Variants in PCDH15 observed in about 807,000 individuals in gnomAD.
PCDH15 encodes protocadherin related 15, also known as protocadherin-15.
In PCDH15, 129 loss-of-function variants were observed where a neutral mutation model predicts 178.5. That is an observed-to-expected ratio of 0.72 (90% CI 0.63 to 0.84). PCDH15 has a LOEUF of 0.84. Among genes scored for constraint, PCDH15 ranks in the 40% least tolerant of loss-of-function variants. PCDH15 has a pLI of 0.00. For synonymous variants in PCDH15, 800 were observed against 732.0 expected (o/e 1.09, Z -1.50); for missense variants, 2,230 against 2,099.9 (o/e 1.06, Z -1.21).
At chr10:55,336,976 A>G (rs544429774) in intron 2 of PCDH15, among the ~76,000 whole-genome samples, 2 of 152,246 alleles carry the variant, frequency 1.3e-5, no homozygotes, top group South Asian at 2.1e-4. Flanking sequence ...TACCCACTAG[A>G]TGCCAATAGC....
intron 1 of PCDH15, among the ~76,000 whole-genome samples, chr10:55,247,500 C>A (rs1841708254): frequency 6.6e-6 from 1 of 152,072 alleles, no homozygotes; most frequent in Non-Finnish European, 1.5e-5. Flanking sequence ...CTGGAGGTGG[C>A]ATTTCTGTCA....
At chr10:54,358,275 G>C (rs1415110484) in intron 5 of PCDH15, among the ~76,000 whole-genome samples, 3 of 151,446 alleles carry the variant, frequency 2.0e-5, no homozygotes, top group African/African-American at 7.3e-5. Flanking sequence ...ATCTGACAAA[G>C]GGCTAATATC....
At chr10:55,366,482 G>C (rs745795324) in intron 2 of PCDH15, among the ~76,000 whole-genome samples, 32 of 152,050 alleles carry the variant, frequency 2.1e-4, no homozygotes, top group South Asian at 4.2e-4. Flanking sequence ...TACTTCTCTA[G>C]ATTATGAGAG....
At chr10:55,536,826 A>G (rs969367498) in intron 2 of PCDH15, among the ~76,000 whole-genome samples, 2 of 152,112 alleles carry the variant, frequency 1.3e-5, no homozygotes, top group African/African-American at 4.8e-5. Context: ...ATAGCAGTTT[A>G]TTTTAATATA....
chr10:55,425,686 T>C (rs1002600129), intron 2 of PCDH15, among the ~76,000 whole-genome samples: 1 of 151,992 alleles, frequency 6.6e-6, no homozygotes, highest in Admixed American at 6.6e-5. Flanking sequence ...AAAAACAGTG[T>C]TACTCATTAA....
intron 15 of PCDH15, among the ~76,000 whole-genome samples, chr10:54,109,213 G>A (rs2094970163): frequency 6.6e-6 from 1 of 152,154 alleles, no homozygotes; most frequent in Non-Finnish European, 1.5e-5. Flanking sequence ...AGCATCATAT[G>A]ATCCAGAAAT....
chr10:55,227,971 G>T (rs998876948), intron 1 of PCDH15, among the ~76,000 whole-genome samples: 1 of 151,874 alleles, frequency 6.6e-6, no homozygotes, highest in Admixed American at 6.6e-5. Flanking sequence ...TTTGTCCTGG[G>T]GTATGCTAAA....
At chr10:55,094,085 A>T (rs1842385604) in intron 2 of PCDH15, among the ~76,000 whole-genome samples, 1 of 152,118 alleles carries the variant, frequency 6.6e-6, no homozygotes, top group African/African-American at 2.4e-5. Flanking sequence ...ATAAAGACAC[A>T]TGCACATGTA....
intron 1 of PCDH15, among the ~76,000 whole-genome samples, chr10:54,772,419 T>C (rs1339345878): frequency 6.6e-6 from 1 of 152,176 alleles, no homozygotes; most frequent in East Asian, 1.9e-4. Flanking sequence ...AATTATGGCT[T>C]GGAAAAATCA....
At chr10:55,270,379 A>G (rs1397323186) in intron 1 of PCDH15, among the ~76,000 whole-genome samples, 1 of 152,126 alleles carries the variant, frequency 6.6e-6, no homozygotes, top group Non-Finnish European at 1.5e-5. Flanking sequence ...ATATTCACAA[A>G]CTATGCATCT....
chr10:54,449,334 T>G (rs1184189324), intron 3 of PCDH15, among the ~76,000 whole-genome samples: 1 of 151,762 alleles, frequency 6.6e-6, no homozygotes, highest in African/African-American at 2.4e-5. Flanking sequence ...AGGGGTGGTG[T>G]AGAGTTGCCT....
chr10:55,026,890 A>T (rs1840488881), intron 2 of PCDH15, among the ~76,000 whole-genome samples: 1 of 152,014 alleles, frequency 6.6e-6, no homozygotes, highest in Admixed American at 6.6e-5. Context: ...ATGACATCTT[A>T]CTACTGCACA....
chr10:54,802,817 G>T (rs937474355), upstream of PCDH15, among the ~76,000 whole-genome samples: 2 of 152,084 alleles, frequency 1.3e-5, no homozygotes, highest in African/African-American at 2.4e-5. Context: ...CTCATTCGTG[G>T]TAATGTTCAA....
At chr10:54,881,063 A>C (rs1463375246) in intron 3 of PCDH15, among the ~76,000 whole-genome samples, 2 of 152,068 alleles carry the variant, frequency 1.3e-5, no homozygotes, top group African/African-American at 4.8e-5. Flanking sequence ...TAAGCTCAGC[A>C]TTGACTTCCA....
chr10:54,853,189 G>A (rs1467568815), intron 3 of PCDH15, among the ~76,000 whole-genome samples: 1 of 149,588 alleles, frequency 6.7e-6, no homozygotes, highest in African/African-American at 2.4e-5. Flanking sequence ...AAACCTGGTT[G>A]GCGGAGGTTG....
In PCDH15 at chr10:53,938,678, T is replaced by C; in HGVS notation, c.3373+137A>G. ...GTCATATATTAGCTGTTTAAACGAA[T>C]AGGCAATCATCTCAGAGTATTAATG... On this transcript the variant is annotated intron_variant, in intron 25 of 37. Transcript: ENST00000644397. The C allele has an allele frequency of 4.4e-6, 4 of 908,174 alleles. No individual in the cohort carries two copies. In the South Asian group the frequency reaches 6.2e-5, roughly 14 times the overall value. 56.3% of individuals were successfully genotyped at this position (908,174 alleles called of 1,614,324 possible).
chr10:54,394,015 C>T (rs955013228), intron 3 of PCDH15, among the ~76,000 whole-genome samples: 6 of 139,582 alleles, frequency 4.3e-5, no homozygotes, highest in South Asian at 2.4e-4. Context: ...AAAGAAAAGA[C>T]GAAGAAAAGA....
intron 2 of PCDH15, among the ~76,000 whole-genome samples, chr10:54,915,967 C>T (rs111573455): frequency 0.065 from 9,839 of 151,934 alleles, 1,040 homozygotes; most frequent in African/African-American, 0.22. Context: ...TAGCTCAGCT[C>T]ACAGGCACCT....
chr10:54,023,252 G>A, intron 18 of PCDH15, 55 bp from the exon 19 acceptor site: 1 of 1,493,506 alleles, frequency 6.7e-7, no homozygotes. Flanking sequence ...ACGGGCTACT[G>A]TAAATGAAGG....
Sources: gnomAD v4.1 joint callset for allele counts (sites outside exome capture counted in the v4.1 genomes callset) on GRCh38, gnomAD v4.1.1 for gene constraint, MANE v1.5 for transcripts, NCBI Gene and HGNC (gene_info 2026-07-23, HGNC 2026-07-21) for gene names.